Variants in PRORP observed in about 807,000 individuals in gnomAD.
PRORP encodes mitochondrial ribonuclease P catalytic subunit.
A neutral mutation model predicts 59.4 loss-of-function variants in PRORP; 51 were observed. The ratio of observed to expected loss-of-function variants is 0.86; its 90% CI spans 0.69 to 1.08. The LOEUF (loss-of-function observed/expected upper bound fraction) is 1.08, where lower values mean the gene tolerates loss of function less well. Among genes scored for constraint, PRORP ranks in the 50% least tolerant of loss-of-function variants. PRORP has a pLI of 0.00. For missense variants in PRORP, 646 were observed against 690.3 expected, an observed-to-expected ratio of 0.94 and a Z score of 0.72; for synonymous variants, 231 against 245.6, an observed-to-expected ratio of 0.94 and a Z score of 0.55.
intron 4 of PRORP, among the ~76,000 whole-genome samples, chr14:35,130,402 T>C (rs116924346): frequency 7.9e-5 from 12 of 152,250 alleles, no homozygotes; most frequent in Non-Finnish European, 1.5e-4. Context: ...TGTTATAATA[T>C]ACTATGTCTT....
chr14:35,261,564 A>C (rs1001457849), intron 5 of PRORP, among the ~76,000 whole-genome samples: 5 of 152,154 alleles, frequency 3.3e-5, no homozygotes, highest in Admixed American at 3.3e-4. Flanking sequence ...CCCTGTCTCT[A>C]CTGAAAATAC....
chr14:35,164,294 C>A (rs1255193834), intron 4 of PRORP, among the ~76,000 whole-genome samples: 1 of 152,156 alleles, frequency 6.6e-6, no homozygotes, highest in Non-Finnish European at 1.5e-5. Flanking sequence ...TGGGTGTATA[C>A]CCAAAGGGAA....
intron 4 of PRORP, among the ~76,000 whole-genome samples, chr14:35,129,101 G>C (rs534529256): frequency 2.0e-5 from 3 of 151,598 alleles, no homozygotes; most frequent in Non-Finnish European, 4.4e-5. Context: ...CCAGCTACTC[G>C]TGAGGTTGAG....
At chr14:35,191,267 C>T (rs2048876428) in intron 5 of PRORP, among the ~76,000 whole-genome samples, 1 of 152,188 alleles carries the variant, frequency 6.6e-6, no homozygotes, top group Non-Finnish European at 1.5e-5. Flanking sequence ...TCCCCTTTCA[C>T]TTCTCTCATT....
At chr14:35,206,613 TCTC>T (rs2049300879) in intron 5 of PRORP, among the ~76,000 whole-genome samples, 1 of 152,182 alleles carries the variant, frequency 6.6e-6, no homozygotes. Flanking sequence ...ATCATCTTCT[TCTC>T]TACCATAAGT....
chr14:35,272,602 A>T (rs536071316), intron 7 of PRORP, among the ~76,000 whole-genome samples: 1 of 152,306 alleles, frequency 6.6e-6, no homozygotes, highest in South Asian at 2.1e-4. Context: ...ATAAAATAAG[A>T]CCTTATTTCT....
At chr14:35,228,193 T>C (rs2049985056) in intron 5 of PRORP, among the ~76,000 whole-genome samples, 1 of 152,176 alleles carries the variant, frequency 6.6e-6, no homozygotes, top group African/African-American at 2.4e-5. Context: ...AGCTTTACAA[T>C]ATTAATTTTT....
intron 4 of PRORP, among the ~76,000 whole-genome samples, chr14:35,129,479 CTTT>C (rs1230052932): frequency 7.1e-6 from 1 of 140,898 alleles, no homozygotes; most frequent in Non-Finnish European, 1.6e-5. Context: ...TTGTATTTTT[CTTT>C]TTTTTTTTTT....
At chr14:35,252,360 C>CTG (rs1310459879) in intron 5 of PRORP, among the ~76,000 whole-genome samples, 1 of 152,190 alleles carries the variant, frequency 6.6e-6, no homozygotes, top group Non-Finnish European at 1.5e-5. Flanking sequence ...GACGTCAAGG[C>CTG]TGCAGTGAGC....
At chr14:35,193,151 A>T (rs1010527216) in intron 5 of PRORP, among the ~76,000 whole-genome samples, 2 of 152,142 alleles carry the variant, frequency 1.3e-5, no homozygotes, top group Non-Finnish European at 2.9e-5. Context: ...AGCTCCTCTA[A>T]TAGAAGATGT....
chr14:35,162,282 G>C (rs2048079075), intron 4 of PRORP, among the ~76,000 whole-genome samples: 1 of 152,100 alleles, frequency 6.6e-6, no homozygotes, highest in Non-Finnish European at 1.5e-5. Context: ...TATTAATTTT[G>C]ATTGGCCTTC....
intron 5 of PRORP, among the ~76,000 whole-genome samples, chr14:35,196,888 A>G (rs1468626562): frequency 6.6e-6 from 1 of 152,188 alleles, no homozygotes; most frequent in Non-Finnish European, 1.5e-5. Context: ...TTAATGATCA[A>G]CTGTCAGGTG....
chr14:35,144,268 C>T, intron 4 of PRORP: 1 of 146,256 alleles, frequency 6.8e-6, no homozygotes, highest in Non-Finnish European at 1.5e-5. Flanking sequence ...CATAATAGTC[C>T]AGCTTGTATA....
At chr14:35,181,197 G>A (rs2048597002) in intron 5 of PRORP, among the ~76,000 whole-genome samples, 2 of 151,988 alleles carry the variant, frequency 1.3e-5, no homozygotes, top group South Asian at 4.2e-4. Flanking sequence ...TCCAAACATA[G>A]TATGTTCATA....
In PRORP at chr14:35,143,220, G is replaced by A. The variant is rs901763959; in HGVS notation, c.1167+15609G>A. On this transcript the variant is annotated intron_variant, in intron 4 of 7. Transcript: ENST00000534898. ...CAGGCTGGAGTGCAGTGGCGCAATC[G>A]CTGCTCACTGCAACCTCTGCCTCCC... 1.8e-4 allele frequency among the ~76,000 whole-genome samples: 26 copies of A among 144,484 alleles called. 1 individual carries two copies. Among genetic ancestry groups the A allele is most frequent in the African/African-American group, 5.4e-4 (22 of 40,814 alleles). 94.8% of individuals were successfully genotyped at this position (144,484 alleles called of 152,430 possible). A position where few individuals can be genotyped will look rare whatever the true frequency, so the allele number is the denominator to read the frequency against.
At chr14:35,131,098 A>C (rs2047227415) in intron 4 of PRORP, among the ~76,000 whole-genome samples, 1 of 151,514 alleles carries the variant, frequency 6.6e-6, no homozygotes, top group African/African-American at 2.4e-5. Flanking sequence ...GTGCACCACC[A>C]GACCTGGCTA....
chr14:35,199,016 A>T (rs908329152), intron 5 of PRORP, among the ~76,000 whole-genome samples: 1 of 152,142 alleles, frequency 6.6e-6, no homozygotes, highest in East Asian at 1.9e-4. Flanking sequence ...AAAATACAAA[A>T]AATTAGCTAG....
intron 4 of PRORP, among the ~76,000 whole-genome samples, chr14:35,178,829 C>T (rs1436635330): frequency 6.6e-6 from 1 of 152,166 alleles, no homozygotes; most frequent in Non-Finnish European, 1.5e-5. Flanking sequence ...CAGTTTCTTC[C>T]TAGCATCGAT....
At chr14:35,163,884 A>G (rs1238556935) in intron 4 of PRORP, among the ~76,000 whole-genome samples, 12 of 152,206 alleles carry the variant, frequency 7.9e-5, no homozygotes, top group Non-Finnish European at 1.6e-4. Context: ...GTTTTCTTCT[A>G]GGATTTTTAT....
Sources: allele counts gnomAD v4.1 joint callset (sites outside exome capture counted in the v4.1 genomes callset), GRCh38; gene constraint gnomAD v4.1.1; transcripts MANE v1.5; gene names NCBI Gene and HGNC (gene_info 2026-07-23, HGNC 2026-07-21).